The following NUP210L variants were observed in gnomAD, a reference collection of about 807,000 sequenced individuals.
The protein encoded by NUP210L is nucleoporin 210 like, also known as nuclear pore membrane glycoprotein 210-like.
Under a neutral mutation model 208.5 loss-of-function variants are expected in NUP210L, and 74 were observed. The ratio of observed to expected loss-of-function variants is 0.35; its 90% CI spans 0.29 to 0.43. The LOEUF is 0.43. NUP210L is among the 20% of genes least tolerant of loss of function. NUP210L has a pLI of 1.00. For missense variants in NUP210L, 1,843 were observed against 2,289.4 expected, an observed-to-expected ratio of 0.81 and a Z score of 3.98; for synonymous variants, 780 against 816.9, an observed-to-expected ratio of 0.95 and a Z score of 0.77.
chr1:154,065,045 C>T (rs538269007), intron 17 of NUP210L, among the ~76,000 whole-genome samples: 10 of 151,318 alleles, frequency 6.6e-5, no homozygotes, highest in African/African-American at 2.4e-4. Flanking sequence ...CACTGTATTC[C>T]AGCCTGGGAG....
chr1:153,997,749 G>T (rs561426813), intron 37 of NUP210L, among the ~76,000 whole-genome samples: 2 of 146,828 alleles, frequency 1.4e-5, no homozygotes, highest in African/African-American at 5.0e-5. Context: ...GGAGTGCAGT[G>T]GTGCGATCTC....
At chr1:154,056,770 T>C (rs753111749) in intron 23 of NUP210L, 45 bp downstream of exon 23, 3 of 1,531,812 alleles carry the variant, frequency 2.0e-6, no homozygotes, top group Non-Finnish European at 2.6e-6. Flanking sequence ...ACAAATGATG[T>C]TAAGCAAGAA....
chr1:154,054,895 G>T, intron 23 of NUP210L, 63 bp from the exon 24 acceptor site: 1 of 1,207,042 alleles, frequency 8.3e-7, no homozygotes, highest in Non-Finnish European at 1.2e-6. Flanking sequence ...AACATATCAT[G>T]GTCATTTAAA....
chr1:154,147,562 T>G (rs1399145115), intron 2 of NUP210L, among the ~76,000 whole-genome samples: 1 of 150,808 alleles, frequency 6.6e-6, no homozygotes, highest in East Asian at 2.0e-4. Flanking sequence ...CAGGCTGGTC[T>G]TGAACTCCTG....
intron 33 of NUP210L, among the ~76,000 whole-genome samples, chr1:154,013,154 T>TC (rs1229915177): frequency 6.6e-6 from 1 of 151,444 alleles, no homozygotes; most frequent in Non-Finnish European, 1.5e-5. Context: ...CACCTTGGCC[T>TC]CCCAAAGTGC....
Position 154,095,293 on chromosome 1 carries a change from C to T in NUP210L, c.1966-137G>A, listed in dbSNP as rs1000904886. On this transcript the variant is annotated intron_variant, in intron 14 of 39. Transcript: ENST00000368559. ...AAATTAAGAGATATGTATGCCATGC[C>T]TCTCACTTGGAATGCTTCTCAACCT... 1.0e-5 allele frequency: 7 copies of T among 666,896 alleles called. No individual in the cohort carries two copies. The African/African-American group carries it at 1.3e-4, about 12-fold the overall frequency. 41.3% of individuals were successfully genotyped at this position (666,896 alleles called of 1,614,324 possible). A position where few individuals can be genotyped will look rare whatever the true frequency, so the allele number is the denominator to read the frequency against.
chr1:154,046,418 G>C, intron 25 of NUP210L, 49 bp from the exon 26 acceptor site: 1 of 1,457,742 alleles, frequency 6.9e-7, no homozygotes, highest in Non-Finnish European at 9.6e-7. Flanking sequence ...GAGTTTCTGT[G>C]GGGTGGACAG....
At chr1:154,079,077 G>A (rs1655181951) in intron 16 of NUP210L, 1 of 151,940 alleles carries the variant, frequency 6.6e-6, no homozygotes, top group African/African-American at 2.4e-5. Flanking sequence ...TTGAGGCCAG[G>A]AGCACAAAAC....
chr1:154,070,314 A>G (rs1234319645), exon 17 of NUP210L: 2 of 1,611,990 alleles, frequency 1.2e-6, no homozygotes, highest in South Asian at 2.2e-5. Flanking sequence ...TTTTGCTACC[A>G]TTTCCACTGA....
At chr1:154,040,028 T>A (rs527643526) in intron 27 of NUP210L, 1 of 152,060 alleles carries the variant, frequency 6.6e-6, no homozygotes, top group African/African-American at 2.4e-5. Context: ...AGCACTACTA[T>A]TTTTTTTAGA....
At chr1:154,154,276 A>G (rs1269241125) in intron 1 of NUP210L, among the ~76,000 whole-genome samples, 1 of 152,188 alleles carries the variant, frequency 6.6e-6, no homozygotes, top group Non-Finnish European at 1.5e-5. Context: ...GAGTAATAGT[A>G]CTTACTTCAT....
chr1:154,024,552 G>A (rs1198861153), intron 30 of NUP210L, among the ~76,000 whole-genome samples: 1 of 151,976 alleles, frequency 6.6e-6, no homozygotes, highest in Non-Finnish European at 1.5e-5. Flanking sequence ...GAAACAGATT[G>A]TTGCTTTGTT....
At chr1:154,013,161 G>A (rs1341166789) in intron 33 of NUP210L, among the ~76,000 whole-genome samples, 1 of 151,342 alleles carries the variant, frequency 6.6e-6, no homozygotes, top group African/African-American at 2.4e-5. Context: ...GCCTCCCAAA[G>A]TGCTGAGATT....
In NUP210L at chr1:154,017,981, C is replaced by CT. The variant is rs796444810; in HGVS notation, c.4653+951dup. Among the ~76,000 whole-genome samples, 8 of 146,578 alleles carry CT rather than the reference C, an allele frequency of 5.5e-5. No individual in the cohort carries two copies. In the Middle Eastern group the frequency reaches 0.011, roughly 196 times the overall value. On this transcript the variant is annotated intron_variant, in intron 33 of 39. Coordinates refer to ENST00000368559, the Ensembl canonical transcript of NUP210L. Reference sequence around the variant, plus strand: ...TTAGGTCTTTTTTCTCTTTTTTTTTCTTTTTTTTGAGAGCGACTCTCACTC... The same window carrying CT: ...TTAGGTCTTTTTTCTCTTTTTTTTTCTTTTTTTTTGAGAGCGACTCTCACTC...
At chr1:154,094,545 T>G (rs1656092494) in intron 15 of NUP210L, among the ~76,000 whole-genome samples, 1 of 152,196 alleles carries the variant, frequency 6.6e-6, no homozygotes, top group South Asian at 2.1e-4. Flanking sequence ...CTCTAATTAG[T>G]TCCTCAAAAT....
At chr1:154,116,087 C>T (rs780388770) in intron 12 of NUP210L, among the ~76,000 whole-genome samples, 1 of 151,942 alleles carries the variant, frequency 6.6e-6, no homozygotes, top group Non-Finnish European at 1.5e-5. Context: ...AACCCCATCT[C>T]TATTAAAAAT....
At chr1:154,048,927 G>A (rs1312193277) in intron 25 of NUP210L, among the ~76,000 whole-genome samples, 3 of 152,166 alleles carry the variant, frequency 2.0e-5, no homozygotes, top group Admixed American at 2.0e-4. Flanking sequence ...TGATTGTGCT[G>A]TATGTGGAAA....
chr1:154,035,749 G>T (rs1249033003), intron 27 of NUP210L, among the ~76,000 whole-genome samples: 1 of 147,110 alleles, frequency 6.8e-6, no homozygotes, highest in Admixed American at 6.8e-5. Flanking sequence ...TTTCTTTTTT[G>T]GGGGGATGGA....
intron 25 of NUP210L, among the ~76,000 whole-genome samples, chr1:154,053,072 C>T (rs1653615994): frequency 1.3e-5 from 2 of 152,136 alleles, no homozygotes; most frequent in Non-Finnish European, 2.9e-5. Context: ...TTAATAAGAT[C>T]CAAATTTGGG....
Sources: gnomAD v4.1 joint callset for allele counts (sites outside exome capture counted in the v4.1 genomes callset) on GRCh38, gnomAD v4.1.1 for gene constraint, MANE v1.5 for transcripts, NCBI Gene and HGNC (gene_info 2026-07-23, HGNC 2026-07-21) for gene names.